Variants in ADGRB3 observed in about 807,000 individuals in gnomAD.
ADGRB3 encodes the protein brain-specific angiogenesis inhibitor 3.
Under a neutral mutation model 193.4 loss-of-function variants are expected in ADGRB3, and 37 were observed. The observed-to-expected ratio is 0.19, with a 90% CI of 0.15 to 0.25. The LOEUF is 0.25. Among genes scored for constraint, ADGRB3 ranks in the 10% least tolerant of loss-of-function variants. The probability of loss-of-function intolerance (pLI) is 1.00; values close to 1 mark genes in which losing one functional copy is unlikely to be tolerated. For synonymous variants in ADGRB3, 690 were observed against 644.2 expected, an observed-to-expected ratio of 1.07 and a Z score of -1.08; for missense variants, 1,637 against 1,852.9, an observed-to-expected ratio of 0.88 and a Z score of 2.14.
At chr6:69,112,511 A>T (rs770022396) in intron 17 of ADGRB3, among the ~76,000 whole-genome samples, 3 of 152,098 alleles carry the variant, frequency 2.0e-5, no homozygotes, top group African/African-American at 7.2e-5. Flanking sequence ...GGTACGCTTC[A>T]CAAGCACATT....
chr6:69,003,308 C>A (rs1333021766), intron 11 of ADGRB3, among the ~76,000 whole-genome samples: 2 of 152,228 alleles, frequency 1.3e-5, no homozygotes, highest in Non-Finnish European at 1.5e-5. Context: ...ATGGAACCAC[C>A]TAAGGGAGTG....
At chr6:69,134,303 A>G (rs1177942132) in intron 17 of ADGRB3, among the ~76,000 whole-genome samples, 1 of 151,714 alleles carries the variant, frequency 6.6e-6, no homozygotes, top group Non-Finnish European at 1.5e-5. Flanking sequence ...GGTTCAGGGT[A>G]AATCCTATTT....
intron 3 of ADGRB3, among the ~76,000 whole-genome samples, chr6:68,714,097 A>AT (rs915011698): frequency 2.8e-4 from 42 of 151,826 alleles, no homozygotes; most frequent in African/African-American, 8.2e-4. Context: ...CTTTGTACTC[A>AT]TTTTTTTAAC....
intron 3 of ADGRB3, among the ~76,000 whole-genome samples, chr6:68,905,450 C>A (rs1022400252): frequency 1.1e-4 from 16 of 152,126 alleles, no homozygotes; most frequent in African/African-American, 3.4e-4. Context: ...AAAACACTTC[C>A]TTTATTATGA....
chr6:69,275,098 G>A (rs1017359990), intron 20 of ADGRB3, among the ~76,000 whole-genome samples: 1 of 152,028 alleles, frequency 6.6e-6, no homozygotes, highest in Admixed American at 6.6e-5. Context: ...CTTTGCTGAG[G>A]GTTAATATCC....
At chr6:69,081,911 C>A (rs1052068266) in intron 17 of ADGRB3, among the ~76,000 whole-genome samples, 2 of 152,074 alleles carry the variant, frequency 1.3e-5, no homozygotes, top group Non-Finnish European at 2.9e-5. Flanking sequence ...AACACAAATT[C>A]TCTGGTCTAA....
intron 17 of ADGRB3, among the ~76,000 whole-genome samples, chr6:69,152,172 G>T (rs1376936497): frequency 6.6e-6 from 1 of 152,114 alleles, no homozygotes; most frequent in Non-Finnish European, 1.5e-5. Flanking sequence ...TTCTTTTTGG[G>T]TGAAGCAAGA....
At chr6:68,841,591 A>G (rs1271494074) in intron 3 of ADGRB3, among the ~76,000 whole-genome samples, 1 of 152,148 alleles carries the variant, frequency 6.6e-6, no homozygotes, top group Admixed American at 6.5e-5. Context: ...ACCAAAATCT[A>G]TGGGATATAG....
rs540880393 is a variant in ADGRB3 at position 69,350,090 on chromosome 6, G to A, written c.3460-4143G>A. Among the ~76,000 whole-genome samples, 121 of 152,284 alleles carry A rather than the reference G, an allele frequency of 7.9e-4. 1 individual carries two copies. The highest frequency in any genetic ancestry group is 2.8e-3 in the African/African-American group (117 of 41,562). On this transcript the variant is annotated intron_variant, in intron 26 of 31. Transcript: ENST00000370598. ...CCCTCTCCTGGTTCAGAAGACAAGA[G>A]CGAGACACACCCCTGCAAACCTCTT...
At chr6:69,014,404 A>G (rs1213907418) in intron 12 of ADGRB3, among the ~76,000 whole-genome samples, 1 of 151,938 alleles carries the variant, frequency 6.6e-6, no homozygotes, top group South Asian at 2.1e-4. Context: ...CATGGGAAAA[A>G]CAGCACATCT....
At chr6:68,926,214 A>T (rs528762240) in intron 3 of ADGRB3, among the ~76,000 whole-genome samples, 14 of 152,272 alleles carry the variant, frequency 9.2e-5, no homozygotes, top group African/African-American at 3.4e-4. Flanking sequence ...AGGTGATTTT[A>T]AAATTCATAA....
chr6:68,727,630 G>A (rs997500292), intron 3 of ADGRB3, among the ~76,000 whole-genome samples: 1 of 151,446 alleles, frequency 6.6e-6, no homozygotes. Flanking sequence ...GTTCATCATT[G>A]TGAGGCATCA....
chr6:69,171,975 A>G (rs985715955), intron 17 of ADGRB3, among the ~76,000 whole-genome samples: 22 of 152,196 alleles, frequency 1.4e-4, no homozygotes, highest in African/African-American at 5.3e-4. Flanking sequence ...CATGCAAAGG[A>G]ATTATTACAT....
rs1425484250 is a variant in ADGRB3 at position 68,910,243 on chromosome 6, C to T, written c.758-20316C>T. Among the ~76,000 whole-genome samples the T allele has an allele frequency of 2.6e-5, 4 of 151,940 alleles. No individual in the cohort carries two copies. The East Asian group carries it at 7.7e-4, about 29-fold the overall frequency. ...CTGTTCATAGCCTTCACCCATTTGT[C>T]GATGGGGTTGTTTGTTTTTTTCTTG... On this transcript the variant is annotated intron_variant, in intron 3 of 31. Coordinates refer to ENST00000370598, the MANE Select transcript of ADGRB3 (RefSeq NM_001704.3).
At chr6:68,803,702 A>G (rs1354088521) in intron 3 of ADGRB3, among the ~76,000 whole-genome samples, 1 of 152,176 alleles carries the variant, frequency 6.6e-6, no homozygotes, top group Non-Finnish European at 1.5e-5. Flanking sequence ...CCTCAAACCA[A>G]TGCCATGTTG....
At chr6:68,677,878 A>G (rs573963979) in intron 3 of ADGRB3, among the ~76,000 whole-genome samples, 63 of 152,176 alleles carry the variant, frequency 4.1e-4, no homozygotes, top group African/African-American at 1.5e-3. Context: ...TTTTTAAAGG[A>G]CTTTCAAGTT....
chr6:68,773,904 G>T (rs58702272), intron 3 of ADGRB3, among the ~76,000 whole-genome samples: 2,415 of 152,180 alleles, frequency 0.016, 57 homozygotes, highest in African/African-American at 0.053. Context: ...GAGGGAAAAA[G>T]AAAGCCTCCT....
intron 20 of ADGRB3, among the ~76,000 whole-genome samples, chr6:69,244,248 T>G (rs1463643744): frequency 1.3e-5 from 2 of 151,938 alleles, no homozygotes; most frequent in Non-Finnish European, 2.9e-5. Context: ...TGTGGTTATT[T>G]ACCTTTTATA....
At chr6:68,809,450 C>A (rs1767469763) in intron 3 of ADGRB3, among the ~76,000 whole-genome samples, 2 of 152,178 alleles carry the variant, frequency 1.3e-5, no homozygotes, top group South Asian at 2.1e-4. Flanking sequence ...ATTGCAAGTA[C>A]AATCTAAATA....
Sources: gnomAD v4.1 joint callset for allele counts (sites outside exome capture counted in the v4.1 genomes callset) on GRCh38, gnomAD v4.1.1 for gene constraint, MANE v1.5 for transcripts, NCBI Gene and HGNC (gene_info 2026-07-23, HGNC 2026-07-21) for gene names.